Variants in CAB39L observed in about 807,000 individuals in gnomAD.
CAB39L encodes calcium-binding protein 39-like.
A neutral mutation model predicts 39.1 loss-of-function variants in CAB39L; 23 were observed. The ratio of observed to expected loss-of-function variants is 0.59; its 90% confidence interval spans 0.42 to 0.83. CAB39L has a LOEUF of 0.83. Ranked by LOEUF, CAB39L falls within the 40% of genes least tolerant of loss-of-function variation. CAB39L has a pLI of 0.00. For missense variants in CAB39L, 366 were observed against 391.9 expected, an observed-to-expected ratio of 0.93 and a Z score of 0.56; for synonymous variants, 126 against 137.2, an observed-to-expected ratio of 0.92 and a Z score of 0.57.
intron 9 of CAB39L, among the ~76,000 whole-genome samples, chr13:49,335,624 A>G (rs1270303258): frequency 6.6e-6 from 1 of 152,202 alleles, no homozygotes; most frequent in Non-Finnish European, 1.5e-5. Context: ...GCAAGTGGAA[A>G]TAAGTTTTTT....
chr13:49,361,369 T>C (rs919638313), intron 5 of CAB39L, among the ~76,000 whole-genome samples: 8 of 147,554 alleles, frequency 5.4e-5, no homozygotes, highest in African/African-American at 2.0e-4. Context: ...TCCCAGCTAC[T>C]TGGGAGGCTG....
rs528322884 is a variant in CAB39L, at chr13:49,404,863, C to T, written c.-31-21922G>A. ...AAGAATTAGTGAGCTTGAAGACAGA[C>T]TATCTGAAATACACAGAGCAGTCAA... On this transcript the variant is annotated intron_variant, in intron 3 of 10. Coordinates refer to ENST00000409308, the MANE Select transcript of CAB39L (RefSeq NM_001079670.3). Among the ~76,000 whole-genome samples, 4 of 152,100 alleles carry T rather than the reference C, an allele frequency of 2.6e-5. No homozygotes were observed. The South Asian group carries it at 8.3e-4, about 32-fold the overall frequency.
intron 8 of CAB39L, among the ~76,000 whole-genome samples, chr13:49,343,231 C>A (rs551978539): frequency 8.5e-5 from 13 of 152,198 alleles, no homozygotes; most frequent in Non-Finnish European, 1.6e-4. Flanking sequence ...TATGACACTG[C>A]ATTAGGCATT....
intron 5 of CAB39L, among the ~76,000 whole-genome samples, chr13:49,361,483 A>AAG (rs1955628726): frequency 1.3e-5 from 2 of 149,484 alleles, no homozygotes; most frequent in Non-Finnish European, 3.0e-5. Flanking sequence ...ATCTCAAAAA[A>AAG]AAAAAAAAAA....
chr13:49,429,927 G>A (rs556348464), intron 3 of CAB39L, among the ~76,000 whole-genome samples: 4 of 151,896 alleles, frequency 2.6e-5, no homozygotes, highest in African/African-American at 9.7e-5. Flanking sequence ...AACATGCTTT[G>A]TTATTTGGTT....
chr13:49,417,818 T>C (rs929203622), intron 3 of CAB39L, among the ~76,000 whole-genome samples: 4 of 152,048 alleles, frequency 2.6e-5, no homozygotes, highest in Non-Finnish European at 5.9e-5. Flanking sequence ...AAAATCTGAG[T>C]TAAAAAAAAC....
intron 3 of CAB39L, among the ~76,000 whole-genome samples, chr13:49,426,816 C>A (rs1177767097): frequency 2.0e-5 from 3 of 152,200 alleles, no homozygotes; most frequent in Non-Finnish European, 4.4e-5. Context: ...ATGTGAACTG[C>A]ACTGCAGCAT....
chr13:49,360,927 C>T (rs1384464544), intron 5 of CAB39L, among the ~76,000 whole-genome samples: 1 of 152,134 alleles, frequency 6.6e-6, no homozygotes, highest in African/African-American at 2.4e-5. Context: ...AACCCCTTTC[C>T]TTTTTAAATT....
At chr13:49,375,652 CG>C (rs1566099934) in intron 5 of CAB39L, among the ~76,000 whole-genome samples, 1 of 150,990 alleles carries the variant, frequency 6.6e-6, no homozygotes, top group Admixed American at 6.6e-5. Context: ...GTTGTGGGGT[CG>C]GGGGAGCGGG....
intron 4 of CAB39L, among the ~76,000 whole-genome samples, chr13:49,378,400 G>A (rs1956151971): frequency 1.5e-5 from 1 of 66,840 alleles, no homozygotes; most frequent in Non-Finnish European, 3.0e-5. Flanking sequence ...CGTGCCGTCC[G>A]GGAGGGAGGT....
At chr13:49,417,518 A>G (rs894265394) in intron 3 of CAB39L, among the ~76,000 whole-genome samples, 1 of 152,234 alleles carries the variant, frequency 6.6e-6, no homozygotes, top group Admixed American at 6.5e-5. Context: ...ATGTCCTGTA[A>G]TGTAAATAAA....
intron 4 of CAB39L, among the ~76,000 whole-genome samples, chr13:49,378,129 C>G (rs1341692405): frequency 1.3e-5 from 1 of 76,508 alleles, no homozygotes; most frequent in Non-Finnish European, 2.6e-5. Flanking sequence ...ACCACCCCGT[C>G]TGAGAAGTGA....
intron 9 of CAB39L, among the ~76,000 whole-genome samples, chr13:49,338,578 A>C (rs1443467039): frequency 1.3e-5 from 2 of 151,918 alleles, no homozygotes; most frequent in East Asian, 1.9e-4. Flanking sequence ...GTGCAGTGCA[A>C]CAGCATGGCA....
intron 10 of CAB39L, among the ~76,000 whole-genome samples, chr13:49,331,554 T>C (rs145601667): frequency 4.5e-4 from 69 of 152,212 alleles, no homozygotes; most frequent in African/African-American, 1.6e-3. Flanking sequence ...AAAATAATAA[T>C]ATTAATAATG....
intron 10 of CAB39L, among the ~76,000 whole-genome samples, chr13:49,322,037 A>G (rs1473666461): frequency 6.6e-6 from 1 of 152,200 alleles, no homozygotes; most frequent in Non-Finnish European, 1.5e-5. Flanking sequence ...ATACTTTTTA[A>G]TGTTTTACAG....
chr13:49,362,602 GAAATAGTCTAGA>G (rs1955666201), intron 5 of CAB39L, among the ~76,000 whole-genome samples: 1 of 151,684 alleles, frequency 6.6e-6, no homozygotes, highest in African/African-American at 2.4e-5. Context: ...CGAGATCTAG[GAAATAGTCTAGA>G]AAGGGCAAAT....
chr13:49,379,774 A>G (rs1956213819), intron 4 of CAB39L, among the ~76,000 whole-genome samples: 1 of 151,694 alleles, frequency 6.6e-6, no homozygotes, highest in Non-Finnish European at 1.5e-5. Flanking sequence ...AAATATTATA[A>G]GTATTATAAA....
intron 3 of CAB39L, among the ~76,000 whole-genome samples, chr13:49,395,258 C>T (rs1392568703): frequency 3.1e-4 from 45 of 143,874 alleles, no homozygotes; most frequent in East Asian, 8.1e-4. Flanking sequence ...TTTTCTGAGA[C>T]GGAGTCTCAC....
intron 10 of CAB39L, among the ~76,000 whole-genome samples, chr13:49,329,545 ATATATATATATATATATATATATAT>A (rs1372748804): frequency 0.04 from 3,404 of 84,508 alleles, 527 homozygotes; most frequent in African/African-American, 0.11. Flanking sequence ...AAAAAAAAAA[ATATATATATATATATATATATATAT>A]ATATATATAT....
Sources: allele counts gnomAD v4.1 joint callset (sites outside exome capture counted in the v4.1 genomes callset), GRCh38; gene constraint gnomAD v4.1.1; transcripts MANE v1.5; gene names NCBI Gene and HGNC (gene_info 2026-07-23, HGNC 2026-07-21).